Variants in MYT1 observed in about 807,000 individuals in gnomAD.
MYT1 encodes the protein myelin transcription factor I.
Under a neutral mutation model 123.0 loss-of-function variants are expected in MYT1, and 23 were observed. That is an observed-to-expected ratio of 0.19 (90% CI 0.13 to 0.26). The LOEUF is 0.26. Ranked by LOEUF, MYT1 falls within the 10% of genes least tolerant of loss-of-function variation. The probability of loss-of-function intolerance (pLI) is 1.00; values close to 1 mark genes in which losing one functional copy is unlikely to be tolerated. For missense variants in MYT1, 1,125 were observed against 1,472.5 expected (o/e 0.76, Z 3.86); for synonymous variants, 518 against 575.3 (o/e 0.90, Z 1.43).
Position 64,196,546 on chromosome 20 carries a change from G to A in MYT1, c.1-2316G>A, listed in dbSNP as rs1292631113. On this transcript the variant is annotated intron_variant, in intron 2 of 22. Transcript: ENST00000328439. The surrounding 1 kb of genome is among the most constrained non-coding windows in gnomAD (Gnocchi z 4.3). Reference sequence around the variant, plus strand: ...TGTCCCAAGTCACCCAGCTCTTACGGGTTCATTCTCGTATTAAAGAGCCTG... The same window carrying A: ...TGTCCCAAGTCACCCAGCTCTTACGAGTTCATTCTCGTATTAAAGAGCCTG... 6.6e-6 allele frequency among the ~76,000 whole-genome samples: 1 copy of A among 152,210 alleles called. No individual in the cohort carries two copies. Among genetic ancestry groups the A allele is most frequent in the African/African-American group, 2.4e-5 (1 of 41,446 alleles).
Position 64,240,401 on chromosome 20 carries a change from G to T in MYT1, c.3319G>T (p.Asp1107Tyr). ...CTCCAACCAGGACCCGGAGAACAAG[G>T]ACCTCCTGGAGAGCATCAAGCAGGC... ...MYSNQDPENK[D>Y]LLESIKQAVR... Residue 1107 changes from aspartate (D) to tyrosine (Y), a missense_variant, in exon 23 of 23, where the codon GAC becomes TAC. Coordinates refer to ENST00000328439, the MANE Select transcript of MYT1 (RefSeq NM_004535.3). 6.2e-7 allele frequency: 1 copy of T among 1,613,940 alleles called. No homozygotes were observed. The highest frequency in any genetic ancestry group is 8.5e-7 in the Non-Finnish European group (1 of 1,180,008).
chr20:64,184,069 C>T lies in MYT1; in HGVS notation c.-98-5994C>T, dbSNP rs552598024. Among the ~76,000 whole-genome samples the T allele has an allele frequency of 3.3e-5, 5 of 152,280 alleles. No homozygotes were observed. The South Asian group carries it at 1.0e-3, about 32-fold the overall frequency. On this transcript the variant is annotated intron_variant, in intron 1 of 22. Transcript: ENST00000328439. ...CCCTGACCTCAAGTGATCTGCTTGC[C>T]TCAGTCTCCCAAAGTGTTGGGATTA...
At chr20:64,229,696 C>A (rs1984267341) in intron 18 of MYT1, among the ~76,000 whole-genome samples, 1 of 152,194 alleles carries the variant, frequency 6.6e-6, no homozygotes, top group Non-Finnish European at 1.5e-5. Context: ...GATGGGATTT[C>A]GTCAGCATGC....
rs552146817 is a variant in MYT1, at chr20:64,212,019, G to T, written c.1427-29G>T. 2 of 1,589,688 alleles carry T rather than the reference G, an allele frequency of 1.3e-6. No homozygotes were observed. The highest frequency in any genetic ancestry group is 1.7e-6 in the Non-Finnish European group (2 of 1,158,830). On this transcript the variant is annotated intron_variant, in intron 8 of 22. Coordinates refer to ENST00000328439, the MANE Select transcript of MYT1 (RefSeq NM_004535.3). The surrounding 1 kb of genome is among the most constrained non-coding windows in gnomAD (Gnocchi z 6.8). ...GCTCCCCAGATTCTCTGACAGCCTC[G>T]GCTCCCTCCACCCCCTGTTCTCTTA...
rs754972689 is a variant in MYT1 at position 64,212,816 on chromosome 20, C to G, written c.1517+678C>G. The stretch of plus-strand genomic sequence containing the variant: ...TGGTGAGGGGGGACTACTCCTCCAG[C>G]CTTACCCTAAGTGCCATGGGTGGCC... On this transcript the variant is annotated intron_variant, in intron 9 of 22. Transcript: ENST00000328439. This position sits in a 1 kb window ranked among gnomAD's most constrained non-coding sequence, Gnocchi z 6.8. 6.6e-6 allele frequency among the ~76,000 whole-genome samples: 1 copy of G among 152,016 alleles called. No individual in the cohort carries two copies. Among genetic ancestry groups the G allele is most frequent in the Admixed American group, 6.6e-5 (1 of 15,260 alleles).
intron 1 of MYT1, among the ~76,000 whole-genome samples, chr20:64,182,444 A>G (rs1405852551): frequency 1.3e-5 from 2 of 152,236 alleles, no homozygotes; most frequent in East Asian, 3.9e-4. Flanking sequence ...ACACATCCTG[A>G]CATAGCACTG....
chr20:64,192,312 G>A lies in MYT1; in HGVS notation c.-1+2152G>A, dbSNP rs1982992242. On this transcript the variant is annotated intron_variant, in intron 2 of 22. Transcript: ENST00000328439. This position sits in a 1 kb window ranked among gnomAD's most constrained non-coding sequence, Gnocchi z 5.3. ...AGTGTGCCAGAGAAGGCGAGAGGAT[G>A]AGAAAGGGTCGACTGCCTAGAGGAC... Among the ~76,000 whole-genome samples, 1 of 152,236 alleles carries A rather than the reference G, an allele frequency of 6.6e-6. No individual in the cohort carries two copies. Among genetic ancestry groups the A allele is most frequent in the Admixed American group, 6.5e-5 (1 of 15,286 alleles).
rs752795941 is a variant in MYT1 at position 64,167,188 on chromosome 20, GC to G, written c.-99+2450del. On this transcript the variant is annotated intron_variant, in intron 1 of 22. Transcript: ENST00000328439. The surrounding 1 kb of genome is among the most constrained non-coding windows in gnomAD (Gnocchi z 6.3). ...GCCAGTTTGCACAACCCAGTACTGT[GC>G]AGAGAGAGCAGGAGAGGTTCCTGAA... 5.3e-5 allele frequency among the ~76,000 whole-genome samples: 8 copies of G among 152,240 alleles called. No individual in the cohort carries two copies. The highest frequency in any genetic ancestry group is 8.8e-5 in the Non-Finnish European group (6 of 68,042).
chr20:64,205,318 G>A (rs1049695549), intron 5 of MYT1, among the ~76,000 whole-genome samples: 16 of 140,668 alleles, frequency 1.1e-4, no homozygotes, highest in African/African-American at 3.7e-4. Flanking sequence ...GCGAGGCAGC[G>A]ACTTCCCACT....
At chr20:64,205,419 C>T in intron 5 of MYT1, 134 bp from the exon 6 acceptor site, 13 of 1,387,856 alleles carry the variant, frequency 9.4e-6, no homozygotes, top group East Asian at 4.6e-5. Context: ...TTTTTTTGTC[C>T]GGGTTCCCTG....
rs376695131 is a variant in MYT1, at chr20:64,219,912, G to A, written c.2171G>A (p.Arg724His). 2.6e-6 allele frequency: 4 copies of A among 1,564,300 alleles called. No individual in the cohort carries two copies. Among genetic ancestry groups the A allele is most frequent in the African/African-American group, 1.4e-5 (1 of 73,546 alleles). ...TCTCCCCAGTCCAGCCAGGCCTCCC[G>A]CCAGGACGAGTGGGACCGGCCCCTG... The part of the protein sequence containing the change: ...MTSPQSSQAS[R>H]QDEWDRPLDY... The change falls in exon 13 of 23, where the codon CGC (arginine) becomes CAC (histidine). Residue 724 changes from arginine to histidine, a missense_variant. Physicochemically the swap from Arg to His is conservative, Grantham distance 29. Coordinates refer to ENST00000328439, the MANE Select transcript of MYT1 (RefSeq NM_004535.3).
chr20:64,181,436 G>A (rs959975489), intron 1 of MYT1, among the ~76,000 whole-genome samples: 15 of 152,066 alleles, frequency 9.9e-5, no homozygotes, highest in Non-Finnish European at 2.2e-4. Context: ...ATATTTCTTT[G>A]ACTCTATCTC....
Position 64,211,120 on chromosome 20 carries a change from G to A in MYT1, c.1292-86G>A, listed in dbSNP as rs1169622361. 9 of 1,457,150 alleles carry A rather than the reference G, an allele frequency of 6.2e-6. No individual in the cohort carries two copies. In the Admixed American group the frequency reaches 7.7e-5, roughly 12 times the overall value. 90.3% of individuals were successfully genotyped at this position (1,457,150 alleles called of 1,614,324 possible). On this transcript the variant is annotated intron_variant, in intron 7 of 22. Coordinates refer to ENST00000328439, the MANE Select transcript of MYT1 (RefSeq NM_004535.3). ...CGCCTCCCTTCTCTCTGGACAGCCA[G>A]AGAGAGGGTTCCTGAGCTACCCCTG...
Position 64,223,212 on chromosome 20 carries a change from C to T in MYT1, c.2459+39C>T, listed in dbSNP as rs1984062569. The T allele has an allele frequency of 9.9e-6, 16 of 1,613,800 alleles. No individual in the cohort carries two copies. The East Asian group carries it at 1.6e-4, about 16-fold the overall frequency. On this transcript the variant is annotated intron_variant, in intron 15 of 22. Coordinates refer to ENST00000328439, the MANE Select transcript of MYT1 (RefSeq NM_004535.3). ...TCGGGTCCGTCTGGCCTGGGTGCTT[C>T]GTGGTGGGTCTTCCTCCTCTCCTCC...
chr20:64,225,639 G>A (rs1023767326), intron 16 of MYT1, among the ~76,000 whole-genome samples: 1 of 152,184 alleles, frequency 6.6e-6, no homozygotes, highest in African/African-American at 2.4e-5. Flanking sequence ...CCTCAGACAC[G>A]GTGTTCCCTT....
At chr20:64,222,703 T>C (rs1391467659) in intron 14 of MYT1, among the ~76,000 whole-genome samples, 2 of 152,194 alleles carry the variant, frequency 1.3e-5, no homozygotes, top group African/African-American at 4.8e-5. Flanking sequence ...GGGTCCCTCT[T>C]CTCCCCAACC....
In MYT1 at chr20:64,167,153, C is replaced by T. The variant is rs185779961; in HGVS notation, c.-99+2414C>T. Among the ~76,000 whole-genome samples the T allele has an allele frequency of 8.4e-4, 128 of 152,212 alleles. No homozygotes were observed. Among genetic ancestry groups the T allele is most frequent in the Admixed American group, 3.7e-3 (56 of 15,292 alleles). ...CTGCTCAGTCTGGTGATGTCTGGGC[C>T]GCTTGGAATGCCAGTTTGCACAACC... On this transcript the variant is annotated intron_variant, in intron 1 of 22. Coordinates refer to ENST00000328439, the MANE Select transcript of MYT1 (RefSeq NM_004535.3). The surrounding 1 kb of genome is among the most constrained non-coding windows in gnomAD (Gnocchi z 6.3).
intron 10 of MYT1, 102 bp from the exon 11 acceptor site, chr20:64,216,965 G>T (rs1021214424): frequency 2.8e-6 from 3 of 1,085,272 alleles, no homozygotes; most frequent in African/African-American, 1.6e-5. Context: ...CTCACCAGAC[G>T]CTGTGAGGCC....
In MYT1 at chr20:64,213,556, G is replaced by A. The variant is rs1983745352; in HGVS notation, c.1540G>A (p.Ala514Thr). The A allele has an allele frequency of 6.2e-7, 1 of 1,613,910 alleles. No homozygotes were observed. The highest frequency in any genetic ancestry group is 1.3e-5 in the African/African-American group (1 of 74,886). Residue 514 changes from alanine (A) to threonine (T), a missense_variant, in exon 10 of 23, where the codon GCC becomes ACC. Around this residue, in one of 4 missense-constraint regions of MYT1, gnomAD observed 429 missense variants for 604.1 expected, o/e 0.71. Transcript: ENST00000328439. This position sits in a 1 kb window ranked among gnomAD's most constrained non-coding sequence, Gnocchi z 5.6. ...HRSLSGCPIA[A>T]AEKLAKSHEK... Reference sequence around the variant, plus strand: ...TAGTTTGTCTGGGTGTCCCATTGCTGCCGCCGAAAAATTAGCCAAATCCCA... The same window carrying A: ...TAGTTTGTCTGGGTGTCCCATTGCTACCGCCGAAAAATTAGCCAAATCCCA...
Sources: allele counts gnomAD v4.1 joint callset (sites outside exome capture counted in the v4.1 genomes callset), GRCh38; gene constraint gnomAD v4.1.1; regional missense constraint gnomAD v4.1.1; non-coding constraint Gnocchi (gnomAD v3.1); transcripts MANE v1.5; gene names NCBI Gene and HGNC (gene_info 2026-07-23, HGNC 2026-07-21).